The following COL18A1 variants were observed in gnomAD, a reference collection of about 807,000 sequenced individuals.
COL18A1 encodes the protein collagen type XVIII alpha 1 chain, also known as collagen alpha-1(XVIII) chain.
COL18A1 carries 133 observed loss-of-function variants against 168.0 expected under a neutral mutation model. The ratio of observed to expected loss-of-function variants is 0.79; its 90% CI spans 0.69 to 0.91. The LOEUF (loss-of-function observed/expected upper bound fraction) is 0.91. COL18A1 is among the 40% of genes least tolerant of loss of function. COL18A1 has a pLI of 0.00. For missense variants in COL18A1, 2,126 were observed against 1,925.4 expected, an observed-to-expected ratio of 1.10 and a Z score of -1.95; for synonymous variants, 949 against 809.0, an observed-to-expected ratio of 1.17 and a Z score of -2.94.
At chr21:45,474,357 G>A (rs900998962) in intron 4 of COL18A1, among the ~76,000 whole-genome samples, 1 of 149,718 alleles carries the variant, frequency 6.7e-6, no homozygotes, top group Non-Finnish European at 1.5e-5. Flanking sequence ...GTGTGTCTGT[G>A]TGGTGTGTCT....
intron 2 of COL18A1, among the ~76,000 whole-genome samples, chr21:45,446,014 C>G (rs985831332): frequency 6.6e-6 from 1 of 152,042 alleles, no homozygotes; most frequent in Non-Finnish European, 1.5e-5. Flanking sequence ...GAATCTTTTG[C>G]CAAATCCAAG....
Position 45,495,387 on chromosome 21 carries a change from A to C in COL18A1, c.2463A>C (p.Gly821=). 6.2e-7 allele frequency: 1 copy of C among 1,611,740 alleles called. No homozygotes were observed. Among genetic ancestry groups the C allele is most frequent in the Non-Finnish European group, 8.5e-7 (1 of 1,179,076 alleles). The part of the protein sequence containing the change: ...PGRPGMNGLK[G]EKGEPGDASL... Reference sequence around the variant, plus strand: ...GCCCCGGGATGAACGGATTGAAAGGAGAGAAAGGGGAGCCGGGAGATGCCA... The same window carrying C: ...GCCCCGGGATGAACGGATTGAAAGGCGAGAAAGGGGAGCCGGGAGATGCCA... The change falls in exon 29 of 42, where the codon GGA becomes GGC. Residue 821 remains glycine, a synonymous_variant. Transcript: ENST00000651438.
rs1293175230 is a variant in COL18A1 at position 45,491,016 on chromosome 21, G to A, written c.2067+145G>A. ...AAAGACCCTCAAGTTGACAGGGGTG[G>A]CTTTCAGGCTGGGGGCAGCGTGTGT... On this transcript the variant is annotated intron_variant, in intron 21 of 41. Coordinates refer to ENST00000651438, the MANE Select transcript of COL18A1 (RefSeq NM_001379500.1). The A allele has an allele frequency of 8.8e-6, 8 of 907,074 alleles. No individual in the cohort carries two copies. The Admixed American group carries it at 1.5e-4, about 17-fold the overall frequency. 56.2% of individuals were successfully genotyped at this position (907,074 alleles called of 1,614,324 possible).
intron 2 of COL18A1, among the ~76,000 whole-genome samples, chr21:45,434,978 G>A (rs79722625): frequency 2.7e-4 from 41 of 152,148 alleles, no homozygotes; most frequent in Admixed American, 6.5e-4. Flanking sequence ...AGGGGAAGCC[G>A]GGGGCTGGTT....
At chr21:45,486,790 T>G (rs2036128942) in intron 15 of COL18A1, 71 bp from the exon 16 acceptor site, 1 of 1,495,522 alleles carries the variant, frequency 6.7e-7, no homozygotes, top group African/African-American at 1.4e-5. Flanking sequence ...TAAGAAAACG[T>G]GTCTACGCTG....
intron 32 of COL18A1, among the ~76,000 whole-genome samples, chr21:45,500,551 T>TG (rs1367577764): frequency 4.8e-5 from 2 of 41,594 alleles, no homozygotes; most frequent in South Asian, 9.2e-4. Flanking sequence ...GTTTGGTGTG[T>TG]GTTGGGTGTG....
chr21:45,470,527 C>G (rs2035382016), intron 3 of COL18A1, among the ~76,000 whole-genome samples: 1 of 128,382 alleles, frequency 7.8e-6, no homozygotes, highest in Non-Finnish European at 1.5e-5. Flanking sequence ...CGCTCTGTTG[C>G]TCAGGCTGGA....
chr21:45,422,891 G>C (rs1052629751), intron 2 of COL18A1, among the ~76,000 whole-genome samples: 2 of 152,062 alleles, frequency 1.3e-5, no homozygotes, highest in Non-Finnish European at 2.9e-5. Context: ...GGGTTTGAGA[G>C]ATTCTCCTGC....
intron 2 of COL18A1, among the ~76,000 whole-genome samples, chr21:45,466,104 T>C (rs2035199824): frequency 6.6e-6 from 1 of 152,052 alleles, no homozygotes; most frequent in Non-Finnish European, 1.5e-5. Flanking sequence ...GTCCGGCTTC[T>C]GGGAGAGGGC....
chr21:45,487,315 A>G, intron 16 of COL18A1, 132 bp from the exon 17 acceptor site: 1 of 1,071,426 alleles, frequency 9.3e-7, no homozygotes. Flanking sequence ...TCCCCATCTG[A>G]GAACGGCGGC....
At chr21:45,422,383 G>A (rs751164701) in intron 2 of COL18A1, 1 of 487,118 alleles carries the variant, frequency 2.1e-6, no homozygotes, top group Admixed American at 2.2e-5. Flanking sequence ...CGATGGCGGG[G>A]CCTCGCCTGT....
chr21:45,482,659 C>T (rs2035940820), intron 14 of COL18A1, 136 bp from the exon 15 acceptor site: 1 of 1,339,186 alleles, frequency 7.5e-7, no homozygotes, highest in African/African-American at 1.4e-5. Context: ...GCAACAGCCT[C>T]AGAAACTATT....
In COL18A1 at chr21:45,478,952, G is replaced by A. The variant is rs541985783; in HGVS notation, c.1248+599G>A. On this transcript the variant is annotated intron_variant, in intron 9 of 41. Coordinates refer to ENST00000651438, the MANE Select transcript of COL18A1 (RefSeq NM_001379500.1). Reference sequence around the variant, plus strand: ...GGGAGGGCATCTCATGGTGCCCACCGAACGGTCATTACCGACCGCCTGGCA... The same window carrying A: ...GGGAGGGCATCTCATGGTGCCCACCAAACGGTCATTACCGACCGCCTGGCA... 2.0e-3 allele frequency among the ~76,000 whole-genome samples: 302 copies of A among 152,306 alleles called. 1 individual carries two copies. The highest frequency in any genetic ancestry group is 7.0e-3 in the African/African-American group (290 of 41,558).
rs1426639801 is a variant in COL18A1 at position 45,509,549 on chromosome 21, C to A, written c.3443C>A (p.Pro1148Gln). The change falls in exon 39 of 42, where the codon CCG becomes CAG. Residue 1148 changes from proline (P) to glutamine (Q), a missense_variant. Coordinates refer to ENST00000651438, the MANE Select transcript of COL18A1 (RefSeq NM_001379500.1). The part of the protein sequence containing the change: ...PHHSSYVHLR[P>Q]ARPTSPPAHS... Reference sequence around the variant, plus strand: ...CACAGCTCCTACGTGCACCTGCGGCCGGCGCGACCCACAAGCCCACCCGCC... The same window carrying A: ...CACAGCTCCTACGTGCACCTGCGGCAGGCGCGACCCACAAGCCCACCCGCC... 6.5e-7 allele frequency: 1 copy of A among 1,536,362 alleles called. No individual in the cohort carries two copies. The highest frequency in any genetic ancestry group is 1.2e-5 in the South Asian group (1 of 84,450).
intron 31 of COL18A1, 69 bp from the exon 32 acceptor site, chr21:45,497,530 C>T (rs1424645417): frequency 5.6e-5 from 86 of 1,542,532 alleles, no homozygotes; most frequent in Non-Finnish European, 7.5e-5. Flanking sequence ...GCATTTCGGG[C>T]AGGAGGGGCA....
rs59091652 is a variant in COL18A1, at chr21:45,439,428, T to C, written c.107-28814T>C. On this transcript the variant is annotated intron_variant, in intron 2 of 41. Transcript: ENST00000651438. ...AGAGAGGTCATGACCTTTTACTTTC[T>C]AGGCCTTTACGTATCGCAACGTGTG... is the stretch of plus-strand genomic sequence containing the variant. 1.2e-3 allele frequency among the ~76,000 whole-genome samples: 179 copies of C among 152,362 alleles called. 1 individual carries two copies. The highest frequency in any genetic ancestry group is 4.1e-3 in the African/African-American group (171 of 41,598).
At chr21:45,483,177 C>T (rs1225040043) in intron 15 of COL18A1, among the ~76,000 whole-genome samples, 1 of 151,636 alleles carries the variant, frequency 6.6e-6, no homozygotes, top group African/African-American at 2.4e-5. Context: ...GGGGCTGGGC[C>T]ACAGCAGGTG....
chr21:45,477,613 G>A, intron 7 of COL18A1, 126 bp downstream of exon 7: 1 of 1,262,124 alleles, frequency 7.9e-7, no homozygotes, highest in Non-Finnish European at 1.1e-6. Flanking sequence ...CCAGCACTCG[G>A]TGCCAGCATG....
chr21:45,432,275 G>A (rs1215203485), intron 2 of COL18A1, among the ~76,000 whole-genome samples: 4 of 152,336 alleles, frequency 2.6e-5, no homozygotes, highest in South Asian at 4.1e-4. Flanking sequence ...TGGCCTTGGC[G>A]GAGGCCACAT....
Sources: allele counts gnomAD v4.1 joint callset (sites outside exome capture counted in the v4.1 genomes callset), GRCh38; gene constraint gnomAD v4.1.1; transcripts MANE v1.5; gene names NCBI Gene and HGNC (gene_info 2026-07-23, HGNC 2026-07-21).